Variants in GAPVD1 observed in about 807,000 individuals in gnomAD.
The protein encoded by GAPVD1 is GTPase-activating protein and VPS9 domain-containing protein 1.
In GAPVD1, 35 loss-of-function variants were observed where a neutral mutation model predicts 155.5. The ratio of observed to expected loss-of-function variants is 0.23; its 90% confidence interval spans 0.17 to 0.30. The LOEUF (loss-of-function observed/expected upper bound fraction) is 0.30, where lower values mean the gene tolerates loss of function less well. GAPVD1 is among the 10% of genes least tolerant of loss of function. The pLI, the probability that GAPVD1 is intolerant of heterozygous loss-of-function variation, is 1.00. For synonymous variants in GAPVD1, 636 were observed against 619.7 expected, an observed-to-expected ratio of 1.03 and a Z score of -0.39; for missense variants, 1,429 against 1,775.7, an observed-to-expected ratio of 0.80 and a Z score of 3.51.
At position 125,359,363 on chromosome 9, in the gene GAPVD1, T is replaced by TA; in HGVS notation, c.3972-57_3972-56insA. 3.2e-6 allele frequency: 3 copies of TA among 940,972 alleles called. No homozygotes were observed. In the South Asian group the frequency reaches 3.9e-5, roughly 12 times the overall value. The allele number at this position is 940,972 out of a possible 1,614,324, so 58.3% of individuals were successfully genotyped here. ...TTTTGTAAAAATCAATGATGACTGT[T>TA]TGTGTACCATATTTTCTGAAATGAA... is the stretch of plus-strand genomic sequence containing the variant. On this transcript the variant is annotated intron_variant, in intron 25 of 27. Transcript: ENST00000297933.
intron 2 of GAPVD1, among the ~76,000 whole-genome samples, chr9:125,271,675 C>G (rs929937701): frequency 1.3e-5 from 2 of 151,456 alleles, no homozygotes; most frequent in Non-Finnish European, 2.9e-5. Context: ...CTCAGCCTCC[C>G]GAGTAGCTGG....
At chr9:125,341,460 G>C in intron 18 of GAPVD1, 196 bp downstream of exon 18, 2 of 474,390 alleles carry the variant, frequency 4.2e-6, no homozygotes, top group Non-Finnish European at 3.7e-6. Context: ...GTTCTTTGCA[G>C]GAAGTGATAG....
Position 125,302,052 on chromosome 9 carries a change from G to T in GAPVD1, c.255G>T (p.Gly85=). The T allele has an allele frequency of 6.2e-7, 1 of 1,612,502 alleles. No homozygotes were observed. The highest frequency in any genetic ancestry group is 1.1e-5 in the South Asian group (1 of 91,042). The part of the protein sequence containing the change: ...KILEDTQFVD[G]YKQLGFQETA... ...TGGAAGATACACAATTTGTTGATGG[G>T]TATAAGCAATTGGGATTTCAGGAGA... Residue 85 remains glycine (G), a synonymous_variant, in exon 5 of 28, where the codon GGG becomes GGT. Transcript: ENST00000297933.
rs1847146603 is a variant in GAPVD1 at position 125,337,114 on chromosome 9, C to G, written c.2506+19C>G. ...CATGAAGGTAAACCAGTGAAATGAA[C>G]TTTTTCACTTATGTCACAGACAGGA... On this transcript the variant is annotated intron_variant, in intron 16 of 27. Transcript: ENST00000297933. The G allele has an allele frequency of 1.9e-6, 3 of 1,597,324 alleles. No homozygotes were observed. Among genetic ancestry groups the G allele is most frequent in the East Asian group, 2.2e-5 (1 of 44,802 alleles).
At position 125,351,777 on chromosome 9, in the gene GAPVD1, G is replaced by C. The variant is rs535907787; in HGVS notation, c.3569+905G>C. ...TCCCCCGAGATGGAATTTCGCTCTTGTTGCCCAGGCTGGAGTGCAATGGTG... is the reference window on the plus strand; with the variant it reads ...TCCCCCGAGATGGAATTTCGCTCTTCTTGCCCAGGCTGGAGTGCAATGGTG... On this transcript the variant is annotated intron_variant, in intron 23 of 27. Transcript: ENST00000297933. Among the ~76,000 whole-genome samples, 4 of 150,518 alleles carry C rather than the reference G, an allele frequency of 2.7e-5. No homozygotes were observed. In the Admixed American group the frequency reaches 2.7e-4, roughly 10 times the overall value.
chr9:125,354,960 A>G, intron 24 of GAPVD1, 119 bp downstream of exon 24: 1 of 591,270 alleles, frequency 1.7e-6, no homozygotes, highest in Non-Finnish European at 3.0e-6. Context: ...ATACCCAATT[A>G]TTTTATGGAA....
At chr9:125,358,220 C>T (rs1448086220) in intron 25 of GAPVD1, among the ~76,000 whole-genome samples, 3 of 152,138 alleles carry the variant, frequency 2.0e-5, no homozygotes, top group South Asian at 4.1e-4. Context: ...GTTCTCCTGC[C>T]TCAGCCTCCT....
At chr9:125,318,652 C>A in intron 9 of GAPVD1, among the ~76,000 whole-genome samples, 1 of 152,286 alleles carries the variant, frequency 6.6e-6, no homozygotes, top group Admixed American at 6.5e-5. Context: ...TATGGTGGCT[C>A]ATGCCTGTAA....
rs534185318 is a variant in GAPVD1, at chr9:125,297,782, A to G, written c.-32-1108A>G. Among the ~76,000 whole-genome samples the G allele has an allele frequency of 1.7e-3, 260 of 152,178 alleles. 3 individuals carry two copies. Among genetic ancestry groups the G allele is most frequent in the Non-Finnish European group, 2.2e-3 (147 of 68,002 alleles). ...GTTTTTTGAGATAGAGTCTCACTCT[A>G]TTGCCCAGGCTGGAGTGCAGTGGCA... On this transcript the variant is annotated intron_variant, in intron 3 of 27. Coordinates refer to ENST00000297933, the MANE Select transcript of GAPVD1 (RefSeq NM_001282680.3).
intron 4 of GAPVD1, among the ~76,000 whole-genome samples, 196 bp from the exon 5 acceptor site, chr9:125,301,787 A>G (rs1218261671): frequency 6.6e-6 from 1 of 151,978 alleles, no homozygotes; most frequent in Non-Finnish European, 1.5e-5. Flanking sequence ...ATAAGAGGAA[A>G]TTGTCCTTTG....
chr9:125,279,260 T>A (rs1836327844), intron 2 of GAPVD1, among the ~76,000 whole-genome samples: 1 of 150,692 alleles, frequency 6.6e-6, no homozygotes, highest in Non-Finnish European at 1.5e-5. Flanking sequence ...ATTACATTAA[T>A]GTGAATATTA....
chr9:125,327,449 CA>C (rs1310877779), intron 12 of GAPVD1, among the ~76,000 whole-genome samples: 4 of 152,106 alleles, frequency 2.6e-5, no homozygotes, highest in African/African-American at 9.6e-5. Flanking sequence ...GTTTGGTGTA[CA>C]GATGATTTTG....
At chr9:125,330,332 T>A (rs78788542) in intron 13 of GAPVD1, 114 bp downstream of exon 13, 10 of 628,158 alleles carry the variant, frequency 1.6e-5, no homozygotes, top group South Asian at 2.5e-5. Flanking sequence ...TTTTTTTTTT[T>A]AATGGAGATG....
intron 1 of GAPVD1, among the ~76,000 whole-genome samples, 167 bp downstream of exon 1, chr9:125,262,126 G>A (rs1165070298): frequency 6.6e-6 from 1 of 152,104 alleles, no homozygotes; most frequent in African/African-American, 2.4e-5. Context: ...GGTGGGGGTC[G>A]GGGGACACTG....
chr9:125,343,100 C>T (rs886111149), intron 19 of GAPVD1, among the ~76,000 whole-genome samples: 3 of 152,060 alleles, frequency 2.0e-5, no homozygotes, highest in Non-Finnish European at 2.9e-5. Context: ...CCACGGACCG[C>T]AGACCACAGG....
At chr9:125,292,435 C>G (rs1398986666) in intron 2 of GAPVD1, among the ~76,000 whole-genome samples, 11 of 151,494 alleles carry the variant, frequency 7.3e-5, no homozygotes, top group Admixed American at 5.3e-4. Flanking sequence ...CCCTGTCACC[C>G]AGGCTGGAGT....
rs1842078647 is a variant in GAPVD1 at position 125,307,724 on chromosome 9, C to G, written c.1285C>G (p.Gln429Glu). Residue 429 changes from glutamine (Q) to glutamate (E), a missense_variant, in exon 8 of 28, where the codon CAA becomes GAA. Coordinates refer to ENST00000297933, the MANE Select transcript of GAPVD1 (RefSeq NM_001282680.3). ...TATGAAGAGTGTGATGTCTGGAGAT[C>G]AACTGAGAGAAGATAGAATGGCTCT... ...NFMKSVMSGD[Q>E]LREDRMALDN... is the part of the protein sequence containing the mutation. 1.2e-6 allele frequency: 2 copies of G among 1,613,848 alleles called. No individual in the cohort carries two copies. The highest frequency in any genetic ancestry group is 8.5e-7 in the Non-Finnish European group (1 of 1,179,822).
intron 2 of GAPVD1, among the ~76,000 whole-genome samples, chr9:125,285,292 A>G (rs1588644715): frequency 6.6e-6 from 1 of 152,122 alleles, no homozygotes; most frequent in South Asian, 2.1e-4. Flanking sequence ...CCCCTCCTCT[A>G]TACCATTATG....
chr9:125,263,775 C>T (rs1833372740), intron 1 of GAPVD1: 3 of 971,168 alleles, frequency 3.1e-6, no homozygotes, highest in Non-Finnish European at 5.0e-6. Context: ...GTCACTCACC[C>T]TCCAGACCTT....
Sources: allele counts gnomAD v4.1 joint callset (sites outside exome capture counted in the v4.1 genomes callset), GRCh38; gene constraint gnomAD v4.1.1; transcripts MANE v1.5; gene names NCBI Gene and HGNC (gene_info 2026-07-23, HGNC 2026-07-21).